Variants in CBX3 observed in about 807,000 individuals in gnomAD.
CBX3 encodes the protein chromobox protein homolog 3.
Under a neutral mutation model 22.6 loss-of-function variants are expected in CBX3, and 5 were observed. That is an observed-to-expected ratio of 0.22 (90% CI 0.12 to 0.47). The LOEUF (loss-of-function observed/expected upper bound fraction) is 0.47. Among genes scored for constraint, CBX3 ranks in the 20% least tolerant of loss-of-function variants. CBX3 has a pLI of 0.99. For missense variants in CBX3, 83 were observed against 208.1 expected (o/e 0.40, Z 3.70); for synonymous variants, 50 against 66.6 (o/e 0.75, Z 1.21).
intron 3 of CBX3, 92 bp downstream of exon 3, chr7:26,206,602 C>T (rs959612867): frequency 2.7e-6 from 3 of 1,118,608 alleles, no homozygotes; most frequent in Non-Finnish European, 4.0e-6. Context: ...ACCTGCTTTC[C>T]TGTAGGTGTC....
rs776811915 is a variant in CBX3 at position 26,206,352 on chromosome 7, T to A, written c.25-16T>A. The stretch of plus-strand genomic sequence containing the variant: ...CAAGAGGAATATTTCTTAATTTCTC[T>A]TTTGTTTTATTTTAGCAAAAAATGG... On this transcript the variant is annotated splice_polypyrimidine_tract_variant and intron_variant, in intron 2 of 5. Coordinates refer to ENST00000396386, the MANE Select transcript of CBX3 (RefSeq NM_016587.4). 2.1e-5 allele frequency: 17 copies of A among 805,388 alleles called. No homozygotes were observed. The African/African-American group carries it at 3.3e-4, about 16-fold the overall frequency. 49.9% of individuals were successfully genotyped at this position (805,388 alleles called of 1,614,324 possible). A position where few individuals can be genotyped will look rare whatever the true frequency, so the allele number is the denominator to read the frequency against.
chr7:26,205,748 T>C (rs1362625395), intron 2 of CBX3, among the ~76,000 whole-genome samples: 1 of 152,224 alleles, frequency 6.6e-6, no homozygotes, highest in Non-Finnish European at 1.5e-5. Context: ...TAGTTGTTTG[T>C]TGCAGTGTTG....
chr7:26,206,613 T>C (rs996591457), intron 3 of CBX3, 103 bp downstream of exon 3: 3 of 1,047,290 alleles, frequency 2.9e-6, no homozygotes, highest in African/African-American at 3.2e-5. Context: ...TGTAGGTGTC[T>C]TTAAATGTAA....
intron 3 of CBX3, 80 bp from the exon 4 acceptor site, chr7:26,208,313 C>CT: frequency 8.6e-7 from 1 of 1,161,590 alleles, no homozygotes; most frequent in East Asian, 2.5e-5. Flanking sequence ...CCCCGGGTGT[C>CT]TATTAAAATA....
chr7:26,211,614 C>T (rs1388314712), intron 4 of CBX3, 48 bp from the exon 5 acceptor site: 1 of 1,201,766 alleles, frequency 8.3e-7, no homozygotes. Flanking sequence ...GCCATGAAAA[C>T]AATTTAATAC....
chr7:26,211,541 C>T (rs1222416960), intron 4 of CBX3, 121 bp from the exon 5 acceptor site: 8 of 528,500 alleles, frequency 1.5e-5, no homozygotes, highest in African/African-American at 4.0e-5. Flanking sequence ...TTTTAATTAC[C>T]AAATATGGGT....
At chr7:26,203,097 C>T (rs1554339070) in intron 2 of CBX3, 75 bp downstream of exon 2, 3 of 902,204 alleles carry the variant, frequency 3.3e-6, no homozygotes, top group Non-Finnish European at 3.3e-6. Flanking sequence ...CTTTGCATCT[C>T]TGTGGCTGAG....
intron 4 of CBX3, chr7:26,210,320 C>G (rs1413032611): frequency 6.6e-6 from 1 of 152,184 alleles, no homozygotes; most frequent in Non-Finnish European, 1.5e-5. Flanking sequence ...AAATCAGGCA[C>G]AACTTTAACA....
Position 26,206,442 on chromosome 7 carries a change from A to G in CBX3, c.99A>G (p.Glu33=), listed in dbSNP as rs1310026239. 2 of 1,614,060 alleles carry G rather than the reference A, an allele frequency of 1.2e-6. No individual in the cohort carries two copies. Among genetic ancestry groups the G allele is most frequent in the Non-Finnish European group, 1.7e-6 (2 of 1,179,936 alleles). Residue 33 remains glutamate, a synonymous_variant, in exon 3 of 6, where the codon GAA becomes GAG. Coordinates refer to ENST00000396386, the MANE Select transcript of CBX3 (RefSeq NM_016587.4). ...CAGAGCCTGAAGAATTTGTCGTGGA[A>G]AAAGTACTAGATCGACGTGTAGTGA... ...EEAEPEEFVV[E]KVLDRRVVNG... is the part of the protein sequence containing the mutation.
intron 2 of CBX3, among the ~76,000 whole-genome samples, chr7:26,203,709 A>G (rs1003539877): frequency 2.0e-5 from 3 of 152,166 alleles, no homozygotes; most frequent in Non-Finnish European, 4.4e-5. Context: ...TTTTCACAAT[A>G]TTTAACATTG....
In CBX3 at chr7:26,213,452, C is replaced by T. The variant is rs967373176; in HGVS notation, c.*1244C>T. 1.3e-5 allele frequency: 2 copies of T among 152,108 alleles called. No homozygotes were observed. Among genetic ancestry groups the T allele is most frequent in the African/African-American group, 4.8e-5 (2 of 41,358 alleles). The allele number at this position is 152,108 out of a possible 1,614,324, so 9.4% of individuals were successfully genotyped here. A position where few individuals can be genotyped will look rare whatever the true frequency, so the allele number is the denominator to read the frequency against. ...TCTTTGTTTATAAGTTAGATGATACCAGTAAGGCATTACAGTACATATCCT... is the reference window on the plus strand; with the variant it reads ...TCTTTGTTTATAAGTTAGATGATACTAGTAAGGCATTACAGTACATATCCT... On this transcript the variant is annotated 3_prime_UTR_variant, in exon 6 of 6. Transcript: ENST00000396386.
intron 3 of CBX3, among the ~76,000 whole-genome samples, chr7:26,207,579 C>G (rs1034976618): frequency 6.6e-6 from 1 of 152,078 alleles, no homozygotes; most frequent in African/African-American, 2.4e-5. Context: ...AGTGCAGTGG[C>G]GTGATCTCAG....
intron 4 of CBX3, among the ~76,000 whole-genome samples, chr7:26,211,304 A>C (rs1784798446): frequency 6.6e-6 from 1 of 152,218 alleles, no homozygotes; most frequent in Non-Finnish European, 1.5e-5. Flanking sequence ...AGTAATTCAG[A>C]CTAATTCCTG....
chr7:26,209,961 C>T (rs1228207301), intron 4 of CBX3: 1 of 152,162 alleles, frequency 6.6e-6, no homozygotes, highest in East Asian at 1.9e-4. Flanking sequence ...AGATTGACTA[C>T]AAATTTGGTT....
intron 1 of CBX3, chr7:26,202,735 G>A (rs1258049483): frequency 8.1e-6 from 4 of 493,414 alleles, no homozygotes; most frequent in Non-Finnish European, 1.1e-5. Flanking sequence ...TTTAAGCCAT[G>A]TGAAGCTGTT....
intron 4 of CBX3, among the ~76,000 whole-genome samples, 153 bp from the exon 5 acceptor site, chr7:26,211,509 A>G (rs1035779205): frequency 1.3e-5 from 2 of 152,188 alleles, no homozygotes; most frequent in South Asian, 2.1e-4. Context: ...TTCTGCTTGT[A>G]AAGTTAATGG....
chr7:26,204,304 C>T lies in CBX3; in HGVS notation c.24+1282C>T, dbSNP rs149594731. Among the ~76,000 whole-genome samples the T allele has an allele frequency of 4.8e-3, 734 of 151,956 alleles. 5 individuals are homozygous for T. Among genetic ancestry groups the T allele is most frequent in the African/African-American group, 0.017 (696 of 41,438 alleles). ...TTATTGTTGACTTTATTTTGTTAGC[C>T]TTCTCCCTTTGTGGCAGTAGCTGTT... On this transcript the variant is annotated intron_variant, in intron 2 of 5. Transcript: ENST00000396386.
intron 1 of CBX3, chr7:26,202,268 T>G (rs1784516403): frequency 6.6e-6 from 1 of 151,950 alleles, no homozygotes; most frequent in South Asian, 2.1e-4. Context: ...CCAGTTAACG[T>G]GGCCGCCGCG....
Position 26,212,442 on chromosome 7 carries a change from A to G in CBX3, c.*234A>G, listed in dbSNP as rs1374263224. On this transcript the variant is annotated 3_prime_UTR_variant, in exon 6 of 6. Transcript: ENST00000396386. ...GTTGCTTCCTTTATCAGAAAAGAAC[A>G]TTTGATACCATGGTATATCATTTCC... 2 of 185,728 alleles carry G rather than the reference A, an allele frequency of 1.1e-5. No homozygotes were observed. The highest frequency in any genetic ancestry group is 2.4e-5 in the African/African-American group (1 of 42,134). 11.5% of individuals were successfully genotyped at this position (185,728 alleles called of 1,614,324 possible).
Sources: allele counts gnomAD v4.1 joint callset (sites outside exome capture counted in the v4.1 genomes callset), GRCh38; gene constraint gnomAD v4.1.1; transcripts MANE v1.5; gene names NCBI Gene and HGNC (gene_info 2026-07-23, HGNC 2026-07-21).